Variants in MARCHF1 observed in about 807,000 individuals in gnomAD.
The protein encoded by MARCHF1 is E3 ubiquitin-protein ligase MARCHF1.
MARCHF1 carries 40 observed loss-of-function variants against 54.2 expected under a neutral mutation model. The ratio of observed to expected loss-of-function variants is 0.74; its 90% CI spans 0.57 to 0.96. The LOEUF (loss-of-function observed/expected upper bound fraction) is 0.96, where lower values mean the gene tolerates loss of function less well. Ranked by LOEUF, MARCHF1 falls within the 40% of genes least tolerant of loss-of-function variation. The pLI is 0.00. For missense variants in MARCHF1, 586 were observed against 656.5 expected (o/e 0.89, Z 1.17); for synonymous variants, 236 against 236.3 (o/e 1.00, Z 0.01).
intron 1 of MARCHF1, among the ~76,000 whole-genome samples, chr4:164,327,386 A>G (rs547801763): frequency 1.4e-4 from 21 of 152,334 alleles, no homozygotes; most frequent in African/African-American, 4.8e-4. Flanking sequence ...TGATGAGAGA[A>G]TGAAGCCTTA....
chr4:164,082,974 AT>A (rs1163540714), intron 2 of MARCHF1, among the ~76,000 whole-genome samples: 1 of 152,068 alleles, frequency 6.6e-6, no homozygotes, highest in Non-Finnish European at 1.5e-5. Context: ...ACATGTTGGA[AT>A]TTTTTTTCTT....
chr4:164,015,104 A>G (rs1261020440), intron 2 of MARCHF1, among the ~76,000 whole-genome samples: 2 of 152,178 alleles, frequency 1.3e-5, no homozygotes, highest in African/African-American at 4.8e-5. Flanking sequence ...ATAAAAACAG[A>G]TGCCTCAAAC....
intron 5 of MARCHF1, among the ~76,000 whole-genome samples, chr4:163,686,356 T>C (rs970354057): frequency 2.0e-5 from 3 of 151,760 alleles, no homozygotes; most frequent in Non-Finnish European, 4.4e-5. Context: ...GCTCTGTTTC[T>C]TCATTGGGGT....
At chr4:163,839,962 A>G in intron 4 of MARCHF1, among the ~76,000 whole-genome samples, 1 of 152,156 alleles carries the variant, frequency 6.6e-6, no homozygotes, top group East Asian at 1.9e-4. Context: ...AACATGGATC[A>G]TACCTAGCAA....
chr4:164,242,007 C>T (rs531725467), intron 1 of MARCHF1, among the ~76,000 whole-genome samples: 5 of 152,314 alleles, frequency 3.3e-5, no homozygotes, highest in South Asian at 2.1e-4. Context: ...ATTGCTAGCA[C>T]GGCAGTCTGA....
At position 164,052,392 on chromosome 4, in the gene MARCHF1, C is replaced by T. The variant is rs181366670; in HGVS notation, c.-248+59196G>A. Among the ~76,000 whole-genome samples, 8 of 152,024 alleles carry T rather than the reference C, an allele frequency of 5.3e-5. No homozygotes were observed. The East Asian group carries it at 7.8e-4, about 15-fold the overall frequency. ...ACTAAAAATACAAAAATTAGCTGGG[C>T]GTGGTGGCAGGTGCCTGTAATCCCA... On this transcript the variant is annotated intron_variant, in intron 2 of 9. Coordinates refer to ENST00000514618, the MANE Select transcript of MARCHF1 (RefSeq NM_001394959.1).
chr4:164,214,925 T>C (rs936680262), intron 1 of MARCHF1, among the ~76,000 whole-genome samples: 1 of 152,074 alleles, frequency 6.6e-6, no homozygotes. Flanking sequence ...GCTTCCTCAG[T>C]GCCCCCGCCG....
At chr4:164,057,050 T>G (rs1024449334) in intron 2 of MARCHF1, among the ~76,000 whole-genome samples, 1 of 152,136 alleles carries the variant, frequency 6.6e-6, no homozygotes, top group Non-Finnish European at 1.5e-5. Context: ...GCTAAGGGAA[T>G]GTAACACTAA....
intron 1 of MARCHF1, among the ~76,000 whole-genome samples, chr4:164,220,756 T>C (rs1732087775): frequency 7.0e-6 from 1 of 143,808 alleles, no homozygotes. Flanking sequence ...GCTATATATG[T>C]AATATATATG....
At chr4:163,750,545 T>TAAATAAAC (rs1746493315) in intron 4 of MARCHF1, among the ~76,000 whole-genome samples, 1 of 127,480 alleles carries the variant, frequency 7.8e-6, no homozygotes, top group African/African-American at 2.6e-5. Context: ...AATAAATAAA[T>TAAATAAAC]AAATAAATAA....
At position 164,182,713 on chromosome 4, in the gene MARCHF1, G is replaced by A. The variant is rs567902154; in HGVS notation, c.-322-71051C>T. Among the ~76,000 whole-genome samples the A allele has an allele frequency of 1.3e-3, 202 of 151,898 alleles. 1 individual carries two copies. Among genetic ancestry groups the A allele is most frequent in the Middle Eastern group, 3.4e-3 (1 of 294 alleles). ...TGATTCTAAATTAAAAAAAGAAGAAGCTTCCCAAGTCAGCTACACAGTGAT... is the reference window on the plus strand; with the variant it reads ...TGATTCTAAATTAAAAAAAGAAGAAACTTCCCAAGTCAGCTACACAGTGAT... On this transcript the variant is annotated intron_variant, in intron 1 of 9. Coordinates refer to ENST00000514618, the MANE Select transcript of MARCHF1 (RefSeq NM_001394959.1).
chr4:164,256,551 A>C lies in MARCHF1; in HGVS notation c.-323+127319T>G, dbSNP rs191308762. On this transcript the variant is annotated intron_variant, in intron 1 of 9. Transcript: ENST00000514618. ...CCAAAGAATTAATTGAATAGACAAG[A>C]ATTTTTTTAAAAAAAGAAGGGAAAA... Among the ~76,000 whole-genome samples, 244 of 151,838 alleles carry C rather than the reference A, an allele frequency of 1.6e-3. 1 individual carries two copies. Among genetic ancestry groups the C allele is most frequent in the African/African-American group, 5.3e-3 (217 of 41,226 alleles).
At chr4:163,555,387 AAT>A (rs1739249019) in intron 8 of MARCHF1, among the ~76,000 whole-genome samples, 1 of 152,212 alleles carries the variant, frequency 6.6e-6, no homozygotes, top group African/African-American at 2.4e-5. Flanking sequence ...TCACAGAGTG[AAT>A]ATACTTTCAC....
chr4:164,357,896 C>A (rs1393638080), intron 1 of MARCHF1, among the ~76,000 whole-genome samples: 1 of 152,074 alleles, frequency 6.6e-6, no homozygotes, highest in East Asian at 1.9e-4. Flanking sequence ...GGAAAACAAT[C>A]ATTTTCTAGA....
chr4:164,380,068 T>C (rs1299545320), intron 1 of MARCHF1, among the ~76,000 whole-genome samples: 1 of 151,440 alleles, frequency 6.6e-6, no homozygotes, highest in Non-Finnish European at 1.5e-5. Context: ...AAAAACTGAG[T>C]GAATTTGTTG....
intron 2 of MARCHF1, among the ~76,000 whole-genome samples, chr4:164,053,233 GT>G (rs1377164532): frequency 4.6e-5 from 7 of 151,312 alleles, no homozygotes; most frequent in Non-Finnish European, 5.9e-5. Context: ...GTATCCTGAA[GT>G]TTTTTTTTAA....
intron 4 of MARCHF1, among the ~76,000 whole-genome samples, chr4:163,704,141 CA>C (rs535442953): frequency 1.3e-4 from 19 of 146,398 alleles, no homozygotes; most frequent in African/African-American, 2.3e-4. Flanking sequence ...AATATTTCTG[CA>C]AAAAAAAACA....
chr4:163,885,691 G>A (rs1020765341), intron 3 of MARCHF1, among the ~76,000 whole-genome samples: 7 of 151,806 alleles, frequency 4.6e-5, no homozygotes, highest in Non-Finnish European at 8.8e-5. Flanking sequence ...TCACTTTTTT[G>A]AGCTTCCAAT....
chr4:163,838,348 T>C (rs760100239), intron 4 of MARCHF1, among the ~76,000 whole-genome samples: 6 of 152,108 alleles, frequency 3.9e-5, no homozygotes, highest in Non-Finnish European at 8.8e-5. Context: ...TGTTATACCA[T>C]ATTTTTTAGG....
Sources: gnomAD v4.1 joint callset for allele counts (sites outside exome capture counted in the v4.1 genomes callset) on GRCh38, gnomAD v4.1.1 for gene constraint, MANE v1.5 for transcripts, NCBI Gene and HGNC (gene_info 2026-07-23, HGNC 2026-07-21) for gene names.